Variants in RAD23B observed in about 807,000 individuals in gnomAD.
RAD23B encodes the protein lysine-specific demethylase RAD23B.
RAD23B carries 5 observed loss-of-function variants against 49.1 expected under a neutral mutation model. The ratio of observed to expected loss-of-function variants is 0.10; its 90% confidence interval spans 0.05 to 0.21. The LOEUF is 0.21. RAD23B is among the 10% of genes least tolerant of loss of function. RAD23B has a pLI of 1.00. For synonymous variants in RAD23B, 184 were observed against 165.4 expected (o/e 1.11, Z -0.86); for missense variants, 356 against 486.7 (o/e 0.73, Z 2.53).
chr9:107,312,297 C>T (rs1473490190), intron 5 of RAD23B, among the ~76,000 whole-genome samples: 1 of 152,176 alleles, frequency 6.6e-6, no homozygotes, highest in East Asian at 1.9e-4. Flanking sequence ...ATCTCTGATA[C>T]AGTTCCTGCT....
At chr9:107,286,122 C>T (rs1833268601) in intron 1 of RAD23B, among the ~76,000 whole-genome samples, 1 of 152,048 alleles carries the variant, frequency 6.6e-6, no homozygotes, top group Non-Finnish European at 1.5e-5. Context: ...TTAATTTTTA[C>T]CTAGAAGGAA....
In RAD23B at chr9:107,311,577, A is replaced by G. The variant is rs11573678; in HGVS notation, c.498-105A>G. 16 of 750,404 alleles carry G rather than the reference A, an allele frequency of 2.1e-5. No homozygotes were observed. In the East Asian group the frequency reaches 4.8e-4, roughly 22 times the overall value. 46.5% of individuals were successfully genotyped at this position (750,404 alleles called of 1,614,324 possible). A position where few individuals can be genotyped will look rare whatever the true frequency, so the allele number is the denominator to read the frequency against. On this transcript the variant is annotated intron_variant, in intron 4 of 9. Transcript: ENST00000358015. Reference sequence around the variant, plus strand: ...ATACTGTAGTCAGACTTTTATATTTAATTAAAATCAAAGAATCTGTTTACC... The same window carrying G: ...ATACTGTAGTCAGACTTTTATATTTGATTAAAATCAAAGAATCTGTTTACC...
At chr9:107,326,885 C>T (rs1481739218) in intron 9 of RAD23B, among the ~76,000 whole-genome samples, 2 of 151,828 alleles carry the variant, frequency 1.3e-5, no homozygotes, top group Non-Finnish European at 2.9e-5. Flanking sequence ...GTGATCCACC[C>T]GCCTCGGCCT....
intron 6 of RAD23B, 79 bp from the exon 7 acceptor site, chr9:107,321,904 T>TA: frequency 1.8e-5 from 24 of 1,325,648 alleles, no homozygotes; most frequent in Non-Finnish European, 2.4e-5. Context: ...AGATGTTAAA[T>TA]AGACTATAAA....
rs1222461699 is a variant in RAD23B, at chr9:107,331,851, A to G, written c.*2195A>G. Reference sequence around the variant, plus strand: ...AGTACCTTGTTTATCTGCTTCTTAAAGAATCAGCCGAGACACCATAAAAGA... The same window carrying G: ...AGTACCTTGTTTATCTGCTTCTTAAGGAATCAGCCGAGACACCATAAAAGA... On this transcript the variant is annotated 3_prime_UTR_variant, in exon 10 of 10. Transcript: ENST00000358015. 6 of 600,936 alleles carry G rather than the reference A, an allele frequency of 1.0e-5. No homozygotes were observed. The highest frequency in any genetic ancestry group is 1.8e-5 in the Non-Finnish European group (6 of 331,788). 37.2% of individuals were successfully genotyped at this position (600,936 alleles called of 1,614,324 possible).
chr9:107,315,046 G>C (rs1216765276), intron 5 of RAD23B, among the ~76,000 whole-genome samples: 1 of 152,050 alleles, frequency 6.6e-6, no homozygotes, highest in Admixed American at 6.5e-5. Flanking sequence ...TTGTTAGATT[G>C]CCTAAGCCAG....
chr9:107,306,090 T>TATATA (rs1826764540), intron 3 of RAD23B, among the ~76,000 whole-genome samples: 45 of 127,638 alleles, frequency 3.5e-4, no homozygotes, highest in African/African-American at 9.2e-4. Flanking sequence ...TCTATATATA[T>TATATA]TTCAAATTTT....
intron 1 of RAD23B, among the ~76,000 whole-genome samples, chr9:107,289,052 C>G (rs1297116726): frequency 7.6e-6 from 1 of 131,666 alleles, no homozygotes; most frequent in Non-Finnish European, 1.6e-5. Flanking sequence ...CCCTTCCTCC[C>G]TCCCTTCTTC....
At chr9:107,305,314 AAAG>A (rs958159567) in intron 3 of RAD23B, among the ~76,000 whole-genome samples, 1 of 152,154 alleles carries the variant, frequency 6.6e-6, no homozygotes, top group Non-Finnish European at 1.5e-5. Flanking sequence ...AAAAGAAACA[AAAG>A]AAAATCACGA....
In RAD23B at chr9:107,322,122, A is replaced by C; in HGVS notation, c.817+4A>C. The C allele has an allele frequency of 6.3e-7, 1 of 1,595,048 alleles. No homozygotes were observed. Among genetic ancestry groups the C allele is most frequent in the South Asian group, 1.1e-5 (1 of 88,030 alleles). ...ACTACAACAACAAGTTCTGGAGGTA[A>C]AGCGGAATCTTCTGGATGGGGAGGG... On this transcript the variant is annotated splice_donor_region_variant and intron_variant, in intron 7 of 9. Coordinates refer to ENST00000358015, the MANE Select transcript of RAD23B (RefSeq NM_002874.5).
At chr9:107,295,194 A>G (rs1363283408) in intron 1 of RAD23B, among the ~76,000 whole-genome samples, 2 of 152,118 alleles carry the variant, frequency 1.3e-5, no homozygotes, top group African/African-American at 2.4e-5. Context: ...GGGATTATGA[A>G]TAAGTGAGGA....
chr9:107,291,565 C>T (rs1833385693), intron 1 of RAD23B, among the ~76,000 whole-genome samples: 3 of 151,940 alleles, frequency 2.0e-5, no homozygotes, highest in African/African-American at 4.8e-5. Flanking sequence ...TATTTTATTC[C>T]TTGGGTCCAG....
chr9:107,289,021 T>C (rs968301146), intron 1 of RAD23B, among the ~76,000 whole-genome samples: 1 of 149,726 alleles, frequency 6.7e-6, no homozygotes, highest in South Asian at 2.1e-4. Context: ...CTCTTTTCTC[T>C]TTTTCCCTCC....
At chr9:107,298,347 T>TC (rs1447148336) in intron 1 of RAD23B, among the ~76,000 whole-genome samples, 12 of 152,030 alleles carry the variant, frequency 7.9e-5, no homozygotes, top group Non-Finnish European at 1.6e-4. Context: ...AGATTCTCAC[T>TC]CTGTCACCCA....
rs552352569 is a variant in RAD23B, at chr9:107,298,050, G to T, written c.67-2091G>T. On this transcript the variant is annotated intron_variant, in intron 1 of 9. Coordinates refer to ENST00000358015, the MANE Select transcript of RAD23B (RefSeq NM_002874.5). ...GGGTTTATGCATAGAGATACACTTG[G>T]TCTGTAATTTATTTGTAGTTTTCCT... 3.4e-4 allele frequency among the ~76,000 whole-genome samples: 52 copies of T among 152,212 alleles called. 1 individual carries two copies. In the South Asian group the frequency reaches 1.0e-2, roughly 29 times the overall value.
chr9:107,284,830 T>C, intron 1 of RAD23B: 1 of 1,227,322 alleles, frequency 8.1e-7, no homozygotes, highest in Non-Finnish European at 1.1e-6. Flanking sequence ...ACTTATTTGC[T>C]ATGACCTTGG....
intron 1 of RAD23B, among the ~76,000 whole-genome samples, chr9:107,293,371 A>C (rs779006707): frequency 2.6e-5 from 4 of 152,204 alleles, no homozygotes; most frequent in Non-Finnish European, 5.9e-5. Flanking sequence ...GGTGTTGGCT[A>C]CTACAACCTC....
At chr9:107,309,031 C>T (rs560096110) in intron 4 of RAD23B, among the ~76,000 whole-genome samples, 2 of 152,330 alleles carry the variant, frequency 1.3e-5, no homozygotes, top group South Asian at 2.1e-4. Context: ...AGAGAAACTG[C>T]ACTTGTGCAC....
At chr9:107,283,936 C>T (rs1354416844) in intron 1 of RAD23B, 3 of 1,071,260 alleles carry the variant, frequency 2.8e-6, no homozygotes, top group Non-Finnish European at 3.5e-6. Flanking sequence ...TGGCAGATGG[C>T]GTGGAGCGCA....
Sources: allele counts gnomAD v4.1 joint callset (sites outside exome capture counted in the v4.1 genomes callset), GRCh38; gene constraint gnomAD v4.1.1; transcripts MANE v1.5; gene names NCBI Gene and HGNC (gene_info 2026-07-23, HGNC 2026-07-21).